The following RABIF variants were observed in gnomAD, a reference collection of about 807,000 sequenced individuals.
RABIF encodes guanine nucleotide exchange factor MSS4.
In RABIF, 13 loss-of-function variants were observed where a neutral mutation model predicts 12.3. That is an observed-to-expected ratio of 1.06 (90% CI 0.69 to 1.68). The LOEUF is 1.68. Ranked by LOEUF, RABIF falls within the 40% of genes most tolerant of loss-of-function variation. The pLI is 0.00. For synonymous variants in RABIF, 70 were observed against 63.3 expected (o/e 1.11, Z -0.50); for missense variants, 153 against 158.0 (o/e 0.97, Z 0.17).
At position 202,879,083 on chromosome 1, in the gene RABIF, C is replaced by T. The variant is rs1046825058; in HGVS notation, c.*1895G>A. The T allele has an allele frequency of 1.1e-4, 17 of 152,092 alleles. No homozygotes were observed. Among genetic ancestry groups the T allele is most frequent in the Admixed American group, 3.3e-4 (5 of 15,256 alleles). The allele number at this position is 152,092 out of a possible 1,614,324, so 9.4% of individuals were successfully genotyped here. The stretch of plus-strand genomic sequence containing the variant: ...AAAAAGGAAATAGAAATGACCGATA[C>T]GTATATAAAAGTTTCACTAGAAATA... On this transcript the variant is annotated 3_prime_UTR_variant, in exon 2 of 2. Transcript: ENST00000367262.
chr1:202,885,023 G>A (rs920158997), intron 1 of RABIF, among the ~76,000 whole-genome samples: 20 of 150,790 alleles, frequency 1.3e-4, no homozygotes, highest in African/African-American at 4.9e-4. Flanking sequence ...AGGAGGCGGA[G>A]GTTAGGTGAG....
chr1:202,889,086 C>T lies in RABIF; in HGVS notation c.13G>A (p.Glu5Lys). The change falls in exon 1 of 2, where the codon GAG becomes AAG. Residue 5 changes from glutamate (E) to lysine (K), a missense_variant. Physicochemically the swap from Glu to Lys is moderately conservative, Grantham distance 56 (BLOSUM62 1). Transcript: ENST00000367262. ...GCTGACACTAACTCGCTCGGCTGCTCCGCTGGTTCCATCGCCGCTGCCGCC... is the reference window on the plus strand; with the variant it reads ...GCTGACACTAACTCGCTCGGCTGCTTCGCTGGTTCCATCGCCGCTGCCGCC... Reference protein sequence around the residue: MEPAEQPSELVSAEG... With the variant: MEPAKQPSELVSAEG... 6.2e-7 allele frequency: 1 copy of T among 1,605,834 alleles called. No individual in the cohort carries two copies. Among genetic ancestry groups the T allele is most frequent in the South Asian group, 1.1e-5 (1 of 90,532 alleles).
Position 202,880,977 on chromosome 1 carries a change from G to A in RABIF, c.*1C>T. ...ATGGAGCTGAGTACCCCTCCCCTCAGTTACTCATGGGAAACTCGTTCCAAG... is the reference window on the plus strand; with the variant it reads ...ATGGAGCTGAGTACCCCTCCCCTCAATTACTCATGGGAAACTCGTTCCAAG... On this transcript the variant is annotated 3_prime_UTR_variant, in exon 2 of 2. Transcript: ENST00000367262. The A allele has an allele frequency of 6.2e-7, 1 of 1,613,812 alleles. No individual in the cohort carries two copies. Among genetic ancestry groups the A allele is most frequent in the Non-Finnish European group, 8.5e-7 (1 of 1,179,734 alleles).
intron 1 of RABIF, among the ~76,000 whole-genome samples, chr1:202,887,498 CT>C (rs34615240): frequency 0.73 from 92,452 of 126,600 alleles, 34,161 homozygotes; most frequent in East Asian, 0.86. Flanking sequence ...GGTTAAATAA[CT>C]TTTTTTTTTT....
At chr1:202,887,034 T>TG (rs1557980084) in intron 1 of RABIF, among the ~76,000 whole-genome samples, 2 of 151,210 alleles carry the variant, frequency 1.3e-5, no homozygotes, top group African/African-American at 2.4e-5. Flanking sequence ...GTTTTGTTTT[T>TG]TTTTTTTTTT....
At chr1:202,884,143 C>T (rs750622255) in intron 1 of RABIF, among the ~76,000 whole-genome samples, 3 of 152,110 alleles carry the variant, frequency 2.0e-5, no homozygotes, top group African/African-American at 2.4e-5. Flanking sequence ...TCCTGGACAA[C>T]CTCTTCAGAA....
rs1378238388 is a variant in RABIF at position 202,879,229 on chromosome 1, AGTGCCAGTG to A, written c.*1740_*1748del. 2.0e-5 allele frequency: 3 copies of A among 151,572 alleles called. No individual in the cohort carries two copies. The highest frequency in any genetic ancestry group is 4.9e-5 in the African/African-American group (2 of 41,146). 9.4% of individuals were successfully genotyped at this position (151,572 alleles called of 1,614,324 possible). A position where few individuals can be genotyped will look rare whatever the true frequency, so the allele number is the denominator to read the frequency against. On this transcript the variant is annotated 3_prime_UTR_variant, in exon 2 of 2. Transcript: ENST00000367262. ...GGTCTCACTCTGTTGCCCAGGCTGGAGTGCCAGTGGTGTGATCTTGGCTTACTGCAGCCA... is the reference window on the plus strand; with the variant it reads ...GGTCTCACTCTGTTGCCCAGGCTGGAGTGTGATCTTGGCTTACTGCAGCCA...
At chr1:202,885,397 G>A (rs1659546624) in intron 1 of RABIF, among the ~76,000 whole-genome samples, 1 of 152,242 alleles carries the variant, frequency 6.6e-6, no homozygotes, top group African/African-American at 2.4e-5. Flanking sequence ...ATTGCACTGG[G>A]TGGAGCGAGA....
At position 202,879,496 on chromosome 1, in the gene RABIF, C is replaced by T. The variant is rs1369788571; in HGVS notation, c.*1482G>A. On this transcript the variant is annotated 3_prime_UTR_variant, in exon 2 of 2. Coordinates refer to ENST00000367262, the MANE Select transcript of RABIF (RefSeq NM_002871.5). ...GCATCTACTTGGGTTTTGCTCCTGA[C>T]TTGTGTGGATAACTCTGTTTTTCTG... The T allele has an allele frequency of 6.6e-6, 1 of 152,220 alleles. No homozygotes were observed. Among genetic ancestry groups the T allele is most frequent in the East Asian group, 1.9e-4 (1 of 5,198 alleles). 9.4% of individuals were successfully genotyped at this position (152,220 alleles called of 1,614,324 possible).
rs1008383498 is a variant in RABIF, at chr1:202,884,983, G to A, written c.127-3760C>T. ...GGCACCTGTAATCCCAGCTACTCGG[G>A]AGGCTGAGACTGGAGAATCTCTTGA... is the stretch of plus-strand genomic sequence containing the variant. On this transcript the variant is annotated intron_variant, in intron 1 of 1. Coordinates refer to ENST00000367262, the MANE Select transcript of RABIF (RefSeq NM_002871.5). Among the ~76,000 whole-genome samples, 10 of 151,658 alleles carry A rather than the reference G, an allele frequency of 6.6e-5. No individual in the cohort carries two copies. In the South Asian group the frequency reaches 2.1e-3, roughly 32 times the overall value.
Position 202,889,017 on chromosome 1 carries a change from A to G in RABIF, c.82T>C (p.Ser28Pro). The G allele has an allele frequency of 6.2e-7, 1 of 1,601,608 alleles. No individual in the cohort carries two copies. The highest frequency in any genetic ancestry group is 8.5e-7 in the Non-Finnish European group (1 of 1,174,844). ...GCGGTCCCTGGCTGCAGCACCCGGG[A>G]GCCGCAACGCTGGCACAGCACCGCC... ...RKAVLCQRCG[S>P]RVLQPGTALF... Residue 28 changes from serine (S) to proline (P), a missense_variant, in exon 1 of 2, where the codon TCC becomes CCC. Physicochemically the swap from Ser to Pro is moderately conservative, Grantham distance 74 (BLOSUM62 -1). This residue lies in a region of RABIF where 113 missense variants were observed against 90.9 expected (regional missense o/e 1.24). Transcript: ENST00000367262.
rs775247483 is a variant in RABIF, at chr1:202,881,218, G to A, written c.132C>T (p.Phe44=). The stretch of plus-strand genomic sequence containing the variant: ...CTGGCTTCTTTCTCATGGAGGGAAG[G>A]AAAAGCTGCAGTGGGAAAGAACATA... The part of the protein sequence containing the change: ...GTALFSRRQL[F]LPSMRKKPAL... Residue 44 remains phenylalanine (F), a synonymous_variant, in exon 2 of 2, where the codon TTC becomes TTT. Coordinates refer to ENST00000367262, the MANE Select transcript of RABIF (RefSeq NM_002871.5). 4 of 1,611,678 alleles carry A rather than the reference G, an allele frequency of 2.5e-6. No individual in the cohort carries two copies. The East Asian group carries it at 6.7e-5, about 27-fold the overall frequency.
At position 202,880,303 on chromosome 1, in the gene RABIF, G is replaced by A. The variant is rs1359889259; in HGVS notation, c.*675C>T. On this transcript the variant is annotated 3_prime_UTR_variant, in exon 2 of 2. Coordinates refer to ENST00000367262, the MANE Select transcript of RABIF (RefSeq NM_002871.5). ...CTCACCTTCTAGGCTGTAGCAGTGA[G>A]GAGCTAATATAAAAAGAAACTACAA... The A allele has an allele frequency of 6.6e-6, 1 of 152,532 alleles. No homozygotes were observed. The highest frequency in any genetic ancestry group is 1.9e-4 in the East Asian group (1 of 5,196). 9.4% of individuals were successfully genotyped at this position (152,532 alleles called of 1,614,324 possible). A position where few individuals can be genotyped will look rare whatever the true frequency, so the allele number is the denominator to read the frequency against.
At position 202,878,593 on chromosome 1, in the gene RABIF, T is replaced by C. The variant is rs1374831319; in HGVS notation, c.*2385A>G. The stretch of plus-strand genomic sequence containing the variant: ...GCCTCATATACAACATGGTGACAAT[T>C]TGTGAAATGTCAGTACACCACTGCC... On this transcript the variant is annotated 3_prime_UTR_variant, in exon 2 of 2. Transcript: ENST00000367262. Among the ~76,000 whole-genome samples, 1 of 152,226 alleles carries C rather than the reference T, an allele frequency of 6.6e-6. No individual in the cohort carries two copies. Among genetic ancestry groups the C allele is most frequent in the Non-Finnish European group, 1.5e-5 (1 of 68,046 alleles).
rs977904314 is a variant in RABIF at position 202,878,547 on chromosome 1, A to G, written c.*2431T>C. Among the ~76,000 whole-genome samples, 3 of 152,236 alleles carry G rather than the reference A, an allele frequency of 2.0e-5. No individual in the cohort carries two copies. Among genetic ancestry groups the G allele is most frequent in the Non-Finnish European group, 4.4e-5 (3 of 68,042 alleles). On this transcript the variant is annotated 3_prime_UTR_variant, in exon 2 of 2. Transcript: ENST00000367262. ...CATTATCAGAAGCAGAAGTCCTCAT[A>G]GTTACTCAGTTACATGTGTAGCCTC...
intron 1 of RABIF, among the ~76,000 whole-genome samples, chr1:202,884,998 G>C (rs556887147): frequency 1.3e-3 from 197 of 146,554 alleles, no homozygotes; most frequent in African/African-American, 4.6e-3. Flanking sequence ...TGAGACTGGA[G>C]AATCTCTTGA....
At chr1:202,881,483 C>G (rs1659490844) in intron 1 of RABIF, among the ~76,000 whole-genome samples, 1 of 152,050 alleles carries the variant, frequency 6.6e-6, no homozygotes, top group East Asian at 1.9e-4. Context: ...CTCACTGCAA[C>G]CTCCGCCTCC....
rs1659446789 is a variant in RABIF at position 202,878,791 on chromosome 1, A to T, written c.*2187T>A. ...AATAGCAGCTGATTCACAAGTATGT[A>T]CTGAGAGCCTATTAGGTGTGAGGGA... On this transcript the variant is annotated 3_prime_UTR_variant, in exon 2 of 2. Coordinates refer to ENST00000367262, the MANE Select transcript of RABIF (RefSeq NM_002871.5). Among the ~76,000 whole-genome samples the T allele has an allele frequency of 6.6e-6, 1 of 152,240 alleles. No homozygotes were observed.
In RABIF at chr1:202,889,056, CCTCGGCTGACACTAA is replaced by C. The variant is rs1659610880; in HGVS notation, c.28_42del (p.Leu10_Glu14del). On this transcript the variant is annotated inframe_deletion, in exon 1 of 2. Transcript: ENST00000367262. ...CACAGCACCGCCTTCCGGTTTCGGC[CCTCGGCTGACACTAA>C]CTCGCTCGGCTGCTCCGCTGGTTCC... 6.2e-7 allele frequency: 1 copy of C among 1,611,180 alleles called. No homozygotes were observed. The highest frequency in any genetic ancestry group is 1.3e-5 in the African/African-American group (1 of 74,774).
Sources: allele counts gnomAD v4.1 joint callset (sites outside exome capture counted in the v4.1 genomes callset), GRCh38; gene constraint gnomAD v4.1.1; regional missense constraint gnomAD v4.1.1; transcripts MANE v1.5; gene names NCBI Gene and HGNC (gene_info 2026-07-23, HGNC 2026-07-21).